CSMD1: variants seen among roughly 807,000 people sequenced by gnomAD.
CSMD1 encodes CUB and sushi domain-containing protein 1.
In CSMD1, 213 loss-of-function variants were observed where a neutral mutation model predicts 417.5. The ratio of observed to expected loss-of-function variants is 0.51; its 90% confidence interval spans 0.46 to 0.57. The LOEUF (loss-of-function observed/expected upper bound fraction) is 0.57, where lower values mean the gene tolerates loss of function less well. Ranked by LOEUF, CSMD1 falls within the 20% of genes least tolerant of loss-of-function variation. CSMD1 has a pLI of 0.00. For synonymous variants in CSMD1, 2,862 were observed against 1,736.8 expected, an observed-to-expected ratio of 1.65 and a Z score of -16.11; for missense variants, 6,923 against 4,529.7, an observed-to-expected ratio of 1.53 and a Z score of -15.17.
intron 3 of CSMD1, among the ~76,000 whole-genome samples, chr8:4,105,785 G>T (rs1041001397): frequency 6.6e-6 from 1 of 152,220 alleles, no homozygotes; most frequent in Non-Finnish European, 1.5e-5. Context: ...CTCCTCTACA[G>T]CGTTGAAAAG....
chr8:4,356,565 G>T (rs1000277024), intron 3 of CSMD1, among the ~76,000 whole-genome samples: 1 of 152,142 alleles, frequency 6.6e-6, no homozygotes, highest in Non-Finnish European at 1.5e-5. Flanking sequence ...CATTTTAAAT[G>T]TCTGTTTCAG....
At chr8:4,992,386 C>A (rs763622128) in intron 1 of CSMD1, among the ~76,000 whole-genome samples, 13 of 152,330 alleles carry the variant, frequency 8.5e-5, no homozygotes, top group Non-Finnish European at 1.9e-4. Flanking sequence ...GCAGCCGGAG[C>A]GTGCGGAACT....
intron 5 of CSMD1, among the ~76,000 whole-genome samples, chr8:3,847,179 C>G (rs960542684): frequency 6.6e-6 from 1 of 152,104 alleles, no homozygotes; most frequent in Admixed American, 6.6e-5. Flanking sequence ...CTGAACCTTA[C>G]AGGTGGCGCG....
At chr8:3,600,297 C>G (rs1025215858) in intron 8 of CSMD1, among the ~76,000 whole-genome samples, 1 of 152,098 alleles carries the variant, frequency 6.6e-6, no homozygotes, top group African/African-American at 2.4e-5. Flanking sequence ...AATTTGGTGC[C>G]AAAGGGCATT....
intron 5 of CSMD1, among the ~76,000 whole-genome samples, chr8:3,793,317 G>C (rs147745533): frequency 2.6e-5 from 4 of 152,274 alleles, no homozygotes; most frequent in African/African-American, 9.6e-5. Context: ...ATTCCCATCT[G>C]TTTATGCAGC....
At chr8:4,761,366 T>C (rs1319524767) in intron 1 of CSMD1, among the ~76,000 whole-genome samples, 1 of 123,198 alleles carries the variant, frequency 8.1e-6, no homozygotes, top group Non-Finnish European at 1.7e-5. Context: ...GAAATCGTGT[T>C]ACTTGGTGTG....
At chr8:4,099,800 G>C (rs907351090) in intron 3 of CSMD1, among the ~76,000 whole-genome samples, 15 of 152,068 alleles carry the variant, frequency 9.9e-5, no homozygotes, top group Admixed American at 7.2e-4. Context: ...TACTGGGAAG[G>C]CTACTTTAAA....
At chr8:3,838,830 TAATATTA>T (rs1172754720) in intron 5 of CSMD1, among the ~76,000 whole-genome samples, 9 of 52,352 alleles carry the variant, frequency 1.7e-4, no homozygotes, top group African/African-American at 9.7e-4. Flanking sequence ...TATTAATATA[TAATATTA>T]ATTATATATA....
intron 3 of CSMD1, among the ~76,000 whole-genome samples, chr8:4,196,904 C>T (rs1799371035): frequency 6.6e-6 from 1 of 152,204 alleles, no homozygotes; most frequent in Admixed American, 6.5e-5. Flanking sequence ...TAAATTCCCA[C>T]ATTTCTAAGA....
chr8:4,495,809 T>C (rs1227722591), intron 2 of CSMD1, among the ~76,000 whole-genome samples: 1 of 152,208 alleles, frequency 6.6e-6, no homozygotes, highest in African/African-American at 2.4e-5. Flanking sequence ...CTAGCTAACA[T>C]TTGTCATAGC....
In CSMD1 at chr8:3,479,861, A is replaced by G. The variant is rs1156903311; in HGVS notation, c.1449-11037T>C. ...TCATTTACAAATTATCTGCAAACAG[A>G]TGAAAAAAAACGATAAATCTAAGTA... On this transcript the variant is annotated intron_variant, in intron 11 of 69. Transcript: ENST00000635120. Among the ~76,000 whole-genome samples, 9 of 152,306 alleles carry G rather than the reference A, an allele frequency of 5.9e-5. No individual in the cohort carries two copies. The East Asian group carries it at 9.7e-4, about 16-fold the overall frequency.
chr8:3,917,962 A>G (rs1347862068), intron 5 of CSMD1, among the ~76,000 whole-genome samples: 2 of 152,152 alleles, frequency 1.3e-5, no homozygotes, highest in Non-Finnish European at 2.9e-5. Flanking sequence ...TTAAAATTTA[A>G]GCTGGTTTAT....
chr8:4,677,861 A>G (rs1216500519), intron 1 of CSMD1, among the ~76,000 whole-genome samples: 1 of 152,200 alleles, frequency 6.6e-6, no homozygotes, highest in Non-Finnish European at 1.5e-5. Flanking sequence ...GAATGTCTTT[A>G]AAATGAAGTA....
intron 5 of CSMD1, among the ~76,000 whole-genome samples, chr8:3,934,352 A>C (rs571199793): frequency 1.3e-5 from 2 of 152,338 alleles, no homozygotes; most frequent in South Asian, 4.1e-4. Context: ...AAAGAGGAGA[A>C]AAATACATAT....
chr8:3,579,017 T>C (rs1446657263), intron 9 of CSMD1, among the ~76,000 whole-genome samples: 1 of 152,172 alleles, frequency 6.6e-6, no homozygotes, highest in Non-Finnish European at 1.5e-5. Context: ...TAACATCTAA[T>C]AGAGAGTAAA....
chr8:3,173,830 G>T (rs544832393), intron 37 of CSMD1, among the ~76,000 whole-genome samples: 1 of 152,256 alleles, frequency 6.6e-6, no homozygotes, highest in African/African-American at 2.4e-5. Flanking sequence ...TGCCATTAAA[G>T]CATGTATTAA....
intron 3 of CSMD1, among the ~76,000 whole-genome samples, chr8:4,293,440 A>G (rs533189950): frequency 5.3e-4 from 80 of 152,364 alleles, no homozygotes; most frequent in African/African-American, 1.9e-3. Context: ...TTTTAAAAAA[A>G]TTAATTACAC....
At chr8:4,675,145 A>T (rs914445421) in intron 1 of CSMD1, among the ~76,000 whole-genome samples, 1 of 152,214 alleles carries the variant, frequency 6.6e-6, no homozygotes, top group African/African-American at 2.4e-5. Context: ...AACACATAAC[A>T]TTTATATAGT....
chr8:3,479,560 G>T (rs1015888529), intron 11 of CSMD1, among the ~76,000 whole-genome samples: 1 of 152,238 alleles, frequency 6.6e-6, no homozygotes, highest in African/African-American at 2.4e-5. Flanking sequence ...GATTACAGGT[G>T]TGAGCCACCG....
Sources: gnomAD v4.1 joint callset for allele counts (sites outside exome capture counted in the v4.1 genomes callset) on GRCh38, gnomAD v4.1.1 for gene constraint, MANE v1.5 for transcripts, NCBI Gene and HGNC (gene_info 2026-07-23, HGNC 2026-07-21) for gene names.